The following EYS variants were observed in gnomAD, a reference collection of about 807,000 sequenced individuals.
EYS encodes protein eyes shut homolog.
EYS carries 250 observed loss-of-function variants against 282.1 expected under a neutral mutation model. The observed-to-expected ratio is 0.89, with a 90% CI of 0.80 to 0.98. EYS has a LOEUF of 0.98. Ranked by LOEUF, EYS falls within the 50% of genes least tolerant of loss-of-function variation. The pLI is 0.00. For synonymous variants in EYS, 1,355 were observed against 1,282.9 expected (o/e 1.06, Z -1.20); for missense variants, 4,016 against 3,709.0 (o/e 1.08, Z -2.15).
At chr6:64,145,003 G>T (rs183922417) in intron 31 of EYS, among the ~76,000 whole-genome samples, 2 of 152,082 alleles carry the variant, frequency 1.3e-5, no homozygotes, top group African/African-American at 4.8e-5. Context: ...TTGGTGGCTG[G>T]ATATATCAGT....
chr6:64,819,325 C>T (rs1209691070), intron 21 of EYS, among the ~76,000 whole-genome samples: 1 of 151,998 alleles, frequency 6.6e-6, no homozygotes, highest in Non-Finnish European at 1.5e-5. Flanking sequence ...ATAGAGTACA[C>T]TTAATGTATT....
chr6:65,227,982 G>T (rs916747555), intron 12 of EYS, among the ~76,000 whole-genome samples: 1 of 151,982 alleles, frequency 6.6e-6, no homozygotes, highest in Non-Finnish European at 1.5e-5. Flanking sequence ...AAAAGTTCTA[G>T]TAAGGAATAA....
chr6:64,411,175 T>C (rs1773878405), intron 28 of EYS, among the ~76,000 whole-genome samples: 1 of 152,112 alleles, frequency 6.6e-6, no homozygotes, highest in African/African-American at 2.4e-5. Flanking sequence ...ATATTGAAGA[T>C]TTTATATAAA....
At chr6:63,936,154 T>A (rs1765050634) in intron 35 of EYS, among the ~76,000 whole-genome samples, 1 of 152,036 alleles carries the variant, frequency 6.6e-6, no homozygotes, top group Non-Finnish European at 1.5e-5. Flanking sequence ...AGGATGGGGG[T>A]CTCACATTAT....
At chr6:64,678,691 CAT>C (rs1769784297) in intron 22 of EYS, among the ~76,000 whole-genome samples, 1 of 152,048 alleles carries the variant, frequency 6.6e-6, no homozygotes, top group Non-Finnish European at 1.5e-5. Context: ...ACAATTCAAA[CAT>C]ATCATTTTGA....
chr6:65,003,564 C>T (rs1253283897), intron 13 of EYS, among the ~76,000 whole-genome samples: 1 of 147,270 alleles, frequency 6.8e-6, no homozygotes, highest in Non-Finnish European at 1.5e-5. Flanking sequence ...CGCACACTCC[C>T]TCCCCTTTTG....
At chr6:64,658,211 C>T (rs894352547) in intron 22 of EYS, among the ~76,000 whole-genome samples, 6 of 152,156 alleles carry the variant, frequency 3.9e-5, no homozygotes, top group Non-Finnish European at 8.8e-5. Context: ...CCATCAGGTC[C>T]TTTAAGGACT....
chr6:65,644,135 A>G (rs1767375629), intron 1 of EYS, among the ~76,000 whole-genome samples: 2 of 152,204 alleles, frequency 1.3e-5, no homozygotes, highest in Non-Finnish European at 2.9e-5. Context: ...ATGAGGCATC[A>G]GAGTAAAGTG....
intron 12 of EYS, among the ~76,000 whole-genome samples, chr6:65,223,168 G>A (rs1463653105): frequency 3.3e-5 from 5 of 151,976 alleles, no homozygotes; most frequent in African/African-American, 9.7e-5. Flanking sequence ...AGAAACTGCC[G>A]ACCAGCCTGA....
At chr6:64,139,107 TGAAAA>T (rs1774256177) in intron 31 of EYS, among the ~76,000 whole-genome samples, 1 of 152,086 alleles carries the variant, frequency 6.6e-6, no homozygotes, top group African/African-American at 2.4e-5. Context: ...ATACCAACTC[TGAAAA>T]GAAAAGAATT....
chr6:64,885,488 TAAC>T (rs1172394821), intron 19 of EYS, among the ~76,000 whole-genome samples: 54 of 151,744 alleles, frequency 3.6e-4, no homozygotes, highest in Non-Finnish European at 5.9e-5. Flanking sequence ...CTAGCAGCAG[TAAC>T]AACAACAAGG....
chr6:65,694,869 T>C (rs1437670444), intron 1 of EYS, among the ~76,000 whole-genome samples: 1 of 151,874 alleles, frequency 6.6e-6, no homozygotes, highest in African/African-American at 2.4e-5. Context: ...TTTAATAATC[T>C]CAAGAAAAGA....
intron 1 of EYS, among the ~76,000 whole-genome samples, chr6:65,652,774 A>G (rs1482065374): frequency 2.0e-5 from 3 of 152,070 alleles, no homozygotes; most frequent in Non-Finnish European, 4.4e-5. Flanking sequence ...TGCAGATGAA[A>G]TATCAGTTAT....
At chr6:65,038,347 A>T (rs976100447) in intron 13 of EYS, among the ~76,000 whole-genome samples, 1 of 151,480 alleles carries the variant, frequency 6.6e-6, no homozygotes, top group Non-Finnish European at 1.5e-5. Context: ...GTGAAATCTT[A>T]TAATAGGTCC....
intron 2 of EYS, among the ~76,000 whole-genome samples, chr6:65,611,830 A>G (rs922046542): frequency 3.3e-5 from 5 of 152,042 alleles, no homozygotes; most frequent in African/African-American, 1.2e-4. Flanking sequence ...CATCATCAGG[A>G]TCGTTAAAAG....
chr6:65,503,104 A>T (rs34706159), intron 2 of EYS, among the ~76,000 whole-genome samples: 18,772 of 151,656 alleles, frequency 0.12, 1,272 homozygotes, highest in South Asian at 0.22. Context: ...ATTAATCAGG[A>T]GTTATTATTA....
intron 28 of EYS, among the ~76,000 whole-genome samples, chr6:64,415,198 G>A (rs1774023072): frequency 6.6e-6 from 1 of 152,116 alleles, no homozygotes; most frequent in Non-Finnish European, 1.5e-5. Flanking sequence ...AGCATCTGGT[G>A]GCAACCTTGG....
intron 26 of EYS, among the ~76,000 whole-genome samples, chr6:64,446,557 C>T (rs1160107786): frequency 7.8e-6 from 1 of 128,694 alleles, no homozygotes; most frequent in Non-Finnish European, 1.6e-5. Context: ...GGGCATTTTT[C>T]ATTTTTTTTT....
intron 29 of EYS, among the ~76,000 whole-genome samples, chr6:64,308,101 A>T (rs1045695193): frequency 6.6e-6 from 1 of 152,024 alleles, no homozygotes; most frequent in East Asian, 1.9e-4. Context: ...TCTCTCAGAC[A>T]TCAATTACCT....
Sources: allele counts gnomAD v4.1 joint callset (sites outside exome capture counted in the v4.1 genomes callset), GRCh38; gene constraint gnomAD v4.1.1; transcripts MANE v1.5; gene names NCBI Gene and HGNC (gene_info 2026-07-23, HGNC 2026-07-21).